Variants in CLIP4 observed in about 807,000 individuals in gnomAD.
The protein encoded by CLIP4 is CAP-Gly domain containing linker protein family member 4.
CLIP4 carries 47 observed loss-of-function variants against 73.1 expected under a neutral mutation model. The observed-to-expected ratio is 0.64, with a 90% CI of 0.51 to 0.82. The LOEUF is 0.82. CLIP4 is among the 40% of genes least tolerant of loss of function. CLIP4 has a pLI of 0.00. For missense variants in CLIP4, 874 were observed against 852.9 expected, an observed-to-expected ratio of 1.02 and a Z score of -0.31; for synonymous variants, 306 against 295.4, an observed-to-expected ratio of 1.04 and a Z score of -0.37.
intron 14 of CLIP4, among the ~76,000 whole-genome samples, chr2:29,170,145 T>A (rs1293347394): frequency 6.6e-6 from 1 of 152,232 alleles, no homozygotes; most frequent in East Asian, 1.9e-4. Flanking sequence ...ATTTTCTTTC[T>A]CCATTCATCC....
chr2:29,180,430 C>T (rs151211839), intron 15 of CLIP4, among the ~76,000 whole-genome samples: 68 of 152,200 alleles, frequency 4.5e-4, no homozygotes, highest in African/African-American at 7.9e-4. Context: ...GACGTTCTTG[C>T]ACACTGTAAG....
At chr2:29,136,856 T>G (rs1311275792) in intron 6 of CLIP4, among the ~76,000 whole-genome samples, 2 of 151,942 alleles carry the variant, frequency 1.3e-5, no homozygotes, top group Non-Finnish European at 2.9e-5. Flanking sequence ...GACAATGTTC[T>G]GAATTTGTTA....
chr2:29,156,068 C>T (rs549249724), intron 9 of CLIP4, among the ~76,000 whole-genome samples: 19 of 152,346 alleles, frequency 1.2e-4, no homozygotes, highest in African/African-American at 2.4e-4. Context: ...CCTGACCATA[C>T]GGCTAGTATT....
intron 6 of CLIP4, among the ~76,000 whole-genome samples, chr2:29,138,761 T>C (rs1572928012): frequency 1.3e-5 from 2 of 152,148 alleles, no homozygotes; most frequent in Admixed American, 1.3e-4. Flanking sequence ...TTTGTGGCTG[T>C]TGTAAATGGA....
At chr2:29,131,206 A>G (rs1664945892) in intron 2 of CLIP4, 52 bp from the exon 3 acceptor site, 3 of 1,355,198 alleles carry the variant, frequency 2.2e-6, no homozygotes, top group Admixed American at 4.4e-5. Flanking sequence ...TATTTTCAAT[A>G]TATTTATTTG....
In CLIP4 at chr2:29,121,470, G is replaced by A. The variant is rs1430520694; in HGVS notation, c.82G>A (p.Asp28Asn). Reference sequence around the variant, plus strand: ...ATACCCATTTATATTTTCTGCTTCTGATACCCCAGTTATCTTTTCCATTTC... The same window carrying A: ...ATACCCATTTATATTTTCTGCTTCTAATACCCCAGTTATCTTTTCCATTTC... Reference protein sequence around the residue: ...GRYPFIFSASDTPVIFSISAA... With the variant: ...GRYPFIFSASNTPVIFSISAA... Residue 28 changes from aspartate to asparagine, a missense_variant, in exon 2 of 16, where the codon GAT becomes AAT. Coordinates refer to ENST00000320081, the MANE Select transcript of CLIP4 (RefSeq NM_024692.6). The A allele has an allele frequency of 1.2e-6, 2 of 1,613,742 alleles. No homozygotes were observed. Among genetic ancestry groups the A allele is most frequent in the East Asian group, 4.5e-5 (2 of 44,850 alleles).
At chr2:29,099,749 T>C (rs1309031389) in intron 1 of CLIP4, among the ~76,000 whole-genome samples, 1 of 152,250 alleles carries the variant, frequency 6.6e-6, no homozygotes, top group East Asian at 1.9e-4. Context: ...GGAATTTTGA[T>C]TGGGATTGTG....
chr2:29,180,133 C>A (rs1183654965), intron 15 of CLIP4, among the ~76,000 whole-genome samples: 1 of 152,094 alleles, frequency 6.6e-6, no homozygotes, highest in Non-Finnish European at 1.5e-5. Context: ...TGTTGAATAT[C>A]CTGTGGGGTA....
At chr2:29,150,889 G>A (rs1666518884) in intron 8 of CLIP4, among the ~76,000 whole-genome samples, 1 of 151,686 alleles carries the variant, frequency 6.6e-6, no homozygotes, top group Admixed American at 6.6e-5. Context: ...TAAATGGCTG[G>A]GATTACAGAT....
rs1258865450 is a variant in CLIP4, at chr2:29,143,905, G to A, written c.845G>A (p.Gly282Asp). ...VTGKAMLTSL[G>D]LKLGDRVVIA... Reference sequence around the variant, plus strand: ...GGCAAGGCAATGCTTACGTCACTTGGCCTGAAGTTGGGGGATCGTGTTGTT... The same window carrying A: ...GGCAAGGCAATGCTTACGTCACTTGACCTGAAGTTGGGGGATCGTGTTGTT... Residue 282 changes from glycine (G) to aspartate (D), a missense_variant, in exon 7 of 16, where the codon GGC (glycine) becomes GAC (aspartate). Gly to Asp is a moderately conservative substitution (Grantham distance 94). Transcript: ENST00000320081. 6.2e-7 allele frequency: 1 copy of A among 1,614,036 alleles called. No individual in the cohort carries two copies. Among genetic ancestry groups the A allele is most frequent in the African/African-American group, 1.3e-5 (1 of 74,920 alleles).
At chr2:29,161,909 G>A (rs916708136) in intron 12 of CLIP4, among the ~76,000 whole-genome samples, 4 of 152,146 alleles carry the variant, frequency 2.6e-5, no homozygotes, top group Non-Finnish European at 4.4e-5. Flanking sequence ...GACCATAGGC[G>A]ACTGTCTCCC....
chr2:29,171,809 C>T (rs777287980), intron 14 of CLIP4, among the ~76,000 whole-genome samples: 10 of 152,054 alleles, frequency 6.6e-5, no homozygotes, highest in South Asian at 6.2e-4. Flanking sequence ...TGAGCCACCG[C>T]GCCTGGCCTA....
intron 14 of CLIP4, among the ~76,000 whole-genome samples, chr2:29,170,121 T>C (rs188845460): frequency 6.6e-6 from 1 of 152,352 alleles, no homozygotes; most frequent in Admixed American, 6.5e-5. Flanking sequence ...CACTGTATTA[T>C]GTATATATAC....
chr2:29,132,146 C>A lies in CLIP4; in HGVS notation c.274-6C>A. 1 of 1,611,262 alleles carries A rather than the reference C, an allele frequency of 6.2e-7. No individual in the cohort carries two copies. ...GTTGTAACCATATTTTCCTTGACTG[C>A]TTCAGATTCTTAAGAGAGGTTGCAA... On this transcript the variant is annotated splice_region_variant and splice_polypyrimidine_tract_variant and intron_variant, in intron 3 of 15. Transcript: ENST00000320081.
In CLIP4 at chr2:29,115,524, G is replaced by C. The variant is rs1335977631; in HGVS notation, c.-157G>C. 6.8e-6 allele frequency: 1 copy of C among 148,122 alleles called. No homozygotes were observed. The highest frequency in any genetic ancestry group is 1.5e-5 in the Non-Finnish European group (1 of 66,434). The allele number at this position is 148,122 out of a possible 1,614,324, so 9.2% of individuals were successfully genotyped here. On this transcript the variant is annotated 5_prime_UTR_variant, in exon 1 of 16. Transcript: ENST00000320081. The surrounding 1 kb of genome is among the most constrained non-coding windows in gnomAD (Gnocchi z 5.1). ...CCCCGCGTGGGAGGCAGCGGGAGGG[G>C]CCCGGAGAGGTGTGGAGCGGCGCGG...
At chr2:29,169,135 G>A (rs1667831773) in intron 14 of CLIP4, among the ~76,000 whole-genome samples, 1 of 152,158 alleles carries the variant, frequency 6.6e-6, no homozygotes, top group African/African-American at 2.4e-5. Flanking sequence ...GTTTGATGAT[G>A]TATTAGTTGC....
At chr2:29,154,361 A>G (rs1360218290) in intron 9 of CLIP4, among the ~76,000 whole-genome samples, 1 of 152,074 alleles carries the variant, frequency 6.6e-6, no homozygotes, top group Non-Finnish European at 1.5e-5. Flanking sequence ...CTTGTTTCCC[A>G]TCCAGTCCCC....
chr2:29,147,763 C>T (rs971630405), intron 8 of CLIP4, among the ~76,000 whole-genome samples: 1 of 152,162 alleles, frequency 6.6e-6, no homozygotes, highest in Non-Finnish European at 1.5e-5. Context: ...TAACCATCTT[C>T]ACCTCACAGT....
At chr2:29,157,113 A>G (rs768905790) in intron 10 of CLIP4, 91 bp from the exon 11 acceptor site, 19 of 1,100,664 alleles carry the variant, frequency 1.7e-5, no homozygotes, top group Non-Finnish European at 9.7e-6. Context: ...AGGAAGTTAA[A>G]TGAAGAATTT....
Sources: allele counts gnomAD v4.1 joint callset (sites outside exome capture counted in the v4.1 genomes callset), GRCh38; gene constraint gnomAD v4.1.1; non-coding constraint Gnocchi (gnomAD v3.1); transcripts MANE v1.5; gene names NCBI Gene and HGNC (gene_info 2026-07-23, HGNC 2026-07-21).